The following AGBL2 variants were observed in gnomAD, a reference collection of about 807,000 sequenced individuals.
The protein encoded by AGBL2 is cytosolic carboxypeptidase 2.
In AGBL2, 87 loss-of-function variants were observed where a neutral mutation model predicts 103.0. That is an observed-to-expected ratio of 0.84 (90% CI 0.71 to 1.01). The LOEUF (loss-of-function observed/expected upper bound fraction) is 1.01, where lower values mean the gene tolerates loss of function less well. Among genes scored for constraint, AGBL2 ranks in the 50% least tolerant of loss-of-function variants. The pLI is 0.00. For synonymous variants in AGBL2, 335 were observed against 356.7 expected (o/e 0.94, Z 0.69); for missense variants, 904 against 1,023.5 (o/e 0.88, Z 1.59).
chr11:47,687,411 A>C (rs2097428326), intron 10 of AGBL2, among the ~76,000 whole-genome samples: 1 of 152,128 alleles, frequency 6.6e-6, no homozygotes, highest in Admixed American at 6.6e-5. Flanking sequence ...CACTTATACT[A>C]GAAATGATGG....
intron 8 of AGBL2, among the ~76,000 whole-genome samples, chr11:47,695,005 C>T (rs142957803): frequency 1.6e-4 from 24 of 151,688 alleles, no homozygotes; most frequent in African/African-American, 5.6e-4. Context: ...AAAAAATTAG[C>T]CAGGTGTGAT....
At chr11:47,710,712 A>G (rs149230482) in intron 3 of AGBL2, 1 of 658,926 alleles carries the variant, frequency 1.5e-6, no homozygotes, top group African/African-American at 1.8e-5. Context: ...CAGCTGAGGA[A>G]ATGGATGTGA....
At chr11:47,692,402 A>ATTTTTT in intron 8 of AGBL2, 146 bp from the exon 9 acceptor site, 1 of 275,848 alleles carries the variant, frequency 3.6e-6, no homozygotes. Context: ...GAGACTTTTA[A>ATTTTTT]TCTTTTTTTT....
intron 7 of AGBL2, among the ~76,000 whole-genome samples, 187 bp from the exon 8 acceptor site, chr11:47,699,740 G>A (rs2153804872): frequency 6.6e-6 from 1 of 152,090 alleles, no homozygotes; most frequent in East Asian, 1.9e-4. Context: ...AAAGACTTAT[G>A]AGGACACTTT....
At chr11:47,667,103 A>T in intron 16 of AGBL2, 40 bp from the exon 17 acceptor site, 1 of 1,382,448 alleles carries the variant, frequency 7.2e-7, no homozygotes, top group Non-Finnish European at 9.9e-7. Flanking sequence ...CAATTGATCT[A>T]TTCAAAATTG....
intron 7 of AGBL2, among the ~76,000 whole-genome samples, chr11:47,699,856 G>T (rs1288219731): frequency 6.6e-6 from 1 of 152,132 alleles, no homozygotes; most frequent in Non-Finnish European, 1.5e-5. Flanking sequence ...ATTTGGCCCT[G>T]AGTTTCCTTA....
At chr11:47,695,261 G>A (rs1359959289) in intron 8 of AGBL2, among the ~76,000 whole-genome samples, 1 of 152,190 alleles carries the variant, frequency 6.6e-6, no homozygotes, top group Admixed American at 6.5e-5. Flanking sequence ...GATCACCTGA[G>A]GTCAGGAGTT....
At chr11:47,661,979 C>T (rs564375316) in intron 18 of AGBL2, among the ~76,000 whole-genome samples, 2 of 151,038 alleles carry the variant, frequency 1.3e-5, no homozygotes, top group South Asian at 2.1e-4. Flanking sequence ...GAACTCCTGA[C>T]CTCAGGTTAT....
intron 10 of AGBL2, 106 bp from the exon 11 acceptor site, chr11:47,686,155 C>T (rs1003818139): frequency 4.1e-6 from 5 of 1,206,266 alleles, no homozygotes; most frequent in Non-Finnish European, 5.8e-6. Flanking sequence ...TACTTTCCCT[C>T]CTAAGAAAAT....
chr11:47,698,334 G>A (rs2097484836), intron 8 of AGBL2, among the ~76,000 whole-genome samples: 1 of 151,772 alleles, frequency 6.6e-6, no homozygotes, highest in South Asian at 2.1e-4. Flanking sequence ...TACCACACCT[G>A]GCTAATTTTG....
chr11:47,660,058 C>T lies in AGBL2; in HGVS notation c.*115G>A, dbSNP rs2097324146. The T allele has an allele frequency of 8.3e-7, 1 of 1,204,000 alleles. No individual in the cohort carries two copies. Among genetic ancestry groups the T allele is most frequent in the Non-Finnish European group, 1.2e-6 (1 of 864,468 alleles). 74.6% of individuals were successfully genotyped at this position (1,204,000 alleles called of 1,614,324 possible). On this transcript the variant is annotated 3_prime_UTR_variant, in exon 19 of 19. Transcript: ENST00000525123. Reference sequence around the variant, plus strand: ...AGTGTAAGGTCAGTGCATGAGTGCACAACACAGTATACCACAAGTAAATGC... The same window carrying T: ...AGTGTAAGGTCAGTGCATGAGTGCATAACACAGTATACCACAAGTAAATGC...
At position 47,685,927 on chromosome 11, in the gene AGBL2, A is replaced by G. The variant is rs1468023525; in HGVS notation, c.1754T>C (p.Phe585Ser). ...NRKYWLHERVFPLMLCKNAPD... is the reference protein window; with the variant it reads ...NRKYWLHERVSPLMLCKNAPD... The stretch of plus-strand genomic sequence containing the variant: ...TGCATTTTTGCATAACATTAAAGGA[A>G]AGACTCGTTCATGAAGCCAGTATTT... The change falls in exon 11 of 19, where the codon TTT (phenylalanine) becomes TCT (serine). Residue 585 changes from phenylalanine (F) to serine (S), a missense_variant. Transcript: ENST00000525123. The G allele has an allele frequency of 7.4e-6, 12 of 1,613,996 alleles. No individual in the cohort carries two copies. The highest frequency in any genetic ancestry group is 1.3e-5 in the African/African-American group (1 of 74,920).
At chr11:47,687,529 GA>G (rs1013694557) in intron 10 of AGBL2, among the ~76,000 whole-genome samples, 84 of 134,242 alleles carry the variant, frequency 6.3e-4, no homozygotes, top group African/African-American at 1.4e-3. Flanking sequence ...ATGTGAAATT[GA>G]AAAAAAAAAA....
intron 18 of AGBL2, among the ~76,000 whole-genome samples, chr11:47,661,121 CCACTG>C (rs1448001404): frequency 1.3e-5 from 2 of 151,976 alleles, no homozygotes; most frequent in African/African-American, 4.8e-5. Context: ...CAAGATCATG[CCACTG>C]CACTCCAGCC....
intron 14 of AGBL2, among the ~76,000 whole-genome samples, chr11:47,672,518 T>A (rs1476721871): frequency 2.6e-5 from 4 of 152,150 alleles, no homozygotes; most frequent in Non-Finnish European, 5.9e-5. Flanking sequence ...TTTCTCCATG[T>A]TGCCCAGGCT....
Position 47,685,980 on chromosome 11 carries a change from G to A in AGBL2, c.1701C>T (p.Phe567=), listed in dbSNP as rs2097422086. ...FHGHSRKNNI[F]LYGCNNNNRK... is the part of the protein sequence containing the mutation. ...GATTGTTGTTATTACAGCCATACAG[G>A]AAGATATTATTCTTACGACTGTGGC... The change falls in exon 11 of 19, where the codon TTC becomes TTT. Residue 567 remains phenylalanine, a synonymous_variant. Coordinates refer to ENST00000525123, the MANE Select transcript of AGBL2 (RefSeq NM_024783.4). 1 of 1,613,870 alleles carries A rather than the reference G, an allele frequency of 6.2e-7. No homozygotes were observed. Among genetic ancestry groups the A allele is most frequent in the South Asian group, 1.1e-5 (1 of 91,072 alleles).
intron 14 of AGBL2, among the ~76,000 whole-genome samples, chr11:47,670,759 T>A (rs918901192): frequency 1.3e-5 from 2 of 151,090 alleles, no homozygotes; most frequent in Non-Finnish European, 2.9e-5. Context: ...TTTGGGAGGC[T>A]GAGGCTTAAA....
chr11:47,696,473 A>G (rs1007985484), intron 8 of AGBL2, among the ~76,000 whole-genome samples: 6 of 152,070 alleles, frequency 3.9e-5, no homozygotes, highest in Admixed American at 1.3e-4. Flanking sequence ...CACGTAGGCC[A>G]GGCTGGTCTC....
At chr11:47,663,340 C>G (rs2097332787) in intron 17 of AGBL2, among the ~76,000 whole-genome samples, 1 of 152,196 alleles carries the variant, frequency 6.6e-6, no homozygotes, top group Non-Finnish European at 1.5e-5. Flanking sequence ...CCCTTTCACA[C>G]TAATTCACAC....
Sources: gnomAD v4.1 joint callset for allele counts (sites outside exome capture counted in the v4.1 genomes callset) on GRCh38, gnomAD v4.1.1 for gene constraint, MANE v1.5 for transcripts, NCBI Gene and HGNC (gene_info 2026-07-23, HGNC 2026-07-21) for gene names.